NPAS3: variants seen among roughly 807,000 people sequenced by gnomAD.
The protein encoded by NPAS3 is neuronal PAS domain-containing protein 3.
NPAS3 carries 14 observed loss-of-function variants against 73.1 expected under a neutral mutation model. The observed-to-expected ratio is 0.19, with a 90% CI of 0.13 to 0.30. The LOEUF (loss-of-function observed/expected upper bound fraction) is 0.30. Ranked by LOEUF, NPAS3 falls within the 10% of genes least tolerant of loss-of-function variation. The probability of loss-of-function intolerance (pLI) is 1.00; values close to 1 mark genes in which losing one functional copy is unlikely to be tolerated. For missense variants in NPAS3, 1,096 were observed against 1,250.0 expected, an observed-to-expected ratio of 0.88 and a Z score of 1.86; for synonymous variants, 620 against 541.5, an observed-to-expected ratio of 1.14 and a Z score of -2.01.
chr14:33,345,479 G>A (rs1224093619), intron 3 of NPAS3, among the ~76,000 whole-genome samples: 1 of 152,228 alleles, frequency 6.6e-6, no homozygotes, highest in East Asian at 1.9e-4. Context: ...AGTGAAAATT[G>A]TAGTCGACAG....
chr14:33,494,623 A>C (rs2052075849), intron 4 of NPAS3, among the ~76,000 whole-genome samples: 1 of 152,108 alleles, frequency 6.6e-6, no homozygotes, highest in Non-Finnish European at 1.5e-5. Context: ...AGAGATGTAA[A>C]GTTTCAAAGG....
intron 2 of NPAS3, among the ~76,000 whole-genome samples, chr14:33,091,300 A>C (rs2042216478): frequency 6.6e-6 from 1 of 152,200 alleles, no homozygotes; most frequent in Admixed American, 6.5e-5. Flanking sequence ...AAAAATGATA[A>C]AGGGGATATC....
At chr14:33,330,678 T>C (rs1566803137) in intron 3 of NPAS3, among the ~76,000 whole-genome samples, 1 of 152,328 alleles carries the variant, frequency 6.6e-6, no homozygotes, top group East Asian at 1.9e-4. Flanking sequence ...TTATTGGACG[T>C]CTATTCCAGA....
At chr14:33,019,213 G>A (rs1314448017) in intron 1 of NPAS3, among the ~76,000 whole-genome samples, 1 of 152,206 alleles carries the variant, frequency 6.6e-6, no homozygotes, top group Non-Finnish European at 1.5e-5. Flanking sequence ...CACAATGAAA[G>A]TTCTTGTTTG....
chr14:33,401,820 C>T (rs2047457165), intron 4 of NPAS3, among the ~76,000 whole-genome samples: 1 of 152,044 alleles, frequency 6.6e-6, no homozygotes, highest in Non-Finnish European at 1.5e-5. Flanking sequence ...AACACCCATC[C>T]AAAGGCCTCC....
intron 2 of NPAS3, among the ~76,000 whole-genome samples, chr14:33,199,007 GC>G (rs1376075267): frequency 2.0e-5 from 3 of 152,172 alleles, no homozygotes; most frequent in Non-Finnish European, 4.4e-5. Context: ...TCCGTGGCCG[GC>G]GGTGCCGGCC....
chr14:33,650,277 G>A (rs1230942252), intron 5 of NPAS3, among the ~76,000 whole-genome samples: 1 of 152,220 alleles, frequency 6.6e-6, no homozygotes, highest in Non-Finnish European at 1.5e-5. Flanking sequence ...AAACAAGGCA[G>A]ATTGACATAG....
At chr14:32,999,277 C>T (rs1485465967) in intron 1 of NPAS3, among the ~76,000 whole-genome samples, 2 of 152,074 alleles carry the variant, frequency 1.3e-5, no homozygotes, top group Admixed American at 6.5e-5. Context: ...TTTGGGAGGC[C>T]AAGGTGGGCA....
intron 2 of NPAS3, among the ~76,000 whole-genome samples, chr14:33,203,237 C>T (rs1220801983): frequency 6.6e-6 from 1 of 152,130 alleles, no homozygotes; most frequent in Non-Finnish European, 1.5e-5. Context: ...TTTTGGTTTG[C>T]AAGAAAAAAG....
chr14:33,550,011 C>A (rs1196579728), intron 4 of NPAS3, among the ~76,000 whole-genome samples: 4 of 152,080 alleles, frequency 2.6e-5, no homozygotes, highest in African/African-American at 7.2e-5. Flanking sequence ...TTTAGGAAGC[C>A]AGTGGAAAAT....
At chr14:33,774,304 G>A (rs1444296270) in intron 7 of NPAS3, 33 bp from the exon 8 acceptor site, 1 of 1,558,228 alleles carries the variant, frequency 6.4e-7, no homozygotes, top group Non-Finnish European at 8.8e-7. Flanking sequence ...ATGTAAATTT[G>A]ACTGGTGTCC....
chr14:33,245,822 T>G (rs1263122035), intron 3 of NPAS3, among the ~76,000 whole-genome samples: 1 of 152,138 alleles, frequency 6.6e-6, no homozygotes, highest in Non-Finnish European at 1.5e-5. Flanking sequence ...TATCTCATAC[T>G]ATGGTGAATT....
chr14:33,142,153 TCTG>T (rs1035114734), intron 2 of NPAS3, among the ~76,000 whole-genome samples: 9 of 150,954 alleles, frequency 6.0e-5, no homozygotes, highest in African/African-American at 1.5e-4. Flanking sequence ...CAATTTTACT[TCTG>T]CTCCTAATTT....
intron 1 of NPAS3, among the ~76,000 whole-genome samples, chr14:33,046,808 T>G (rs2040524993): frequency 6.6e-6 from 1 of 152,088 alleles, no homozygotes. Flanking sequence ...AAACCCCGTC[T>G]CTACTAAAAA....
chr14:33,762,185 T>G (rs1030900930), intron 7 of NPAS3, among the ~76,000 whole-genome samples: 1 of 152,230 alleles, frequency 6.6e-6, no homozygotes, highest in African/African-American at 2.4e-5. Context: ...GACAACTGTA[T>G]TGTATGCTAA....
rs141953675 is a variant in NPAS3, at chr14:33,158,588, C to T, written c.141-56594C>T. On this transcript the variant is annotated intron_variant, in intron 2 of 11. Coordinates refer to ENST00000356141, the Ensembl canonical transcript of NPAS3. ...GGTGTAGGCACAATAATTGGGAGTT[C>T]TAAGGTACTGCAGAGAGAGGGTGTT... is the stretch of plus-strand genomic sequence containing the variant. Among the ~76,000 whole-genome samples, 161 of 152,104 alleles carry T rather than the reference C, an allele frequency of 1.1e-3. 1 individual carries two copies. The highest frequency in any genetic ancestry group is 3.8e-3 in the African/African-American group (156 of 41,470).
chr14:33,733,120 A>G (rs911199799), intron 6 of NPAS3, among the ~76,000 whole-genome samples: 2 of 152,144 alleles, frequency 1.3e-5, no homozygotes, highest in Non-Finnish European at 2.9e-5. Context: ...ATCTTGCTGA[A>G]CAGAGCTGAA....
rs144102242 is a variant in NPAS3, at chr14:33,129,390, C to T, written c.140+73396C>T. ...CTCTAACACATGTGAATATTGATAG[C>T]ATATCCAAAAACTGCGGTGGTTTTC... On this transcript the variant is annotated intron_variant, in intron 2 of 11. Coordinates refer to ENST00000356141, the Ensembl canonical transcript of NPAS3. 1.2e-4 allele frequency among the ~76,000 whole-genome samples: 19 copies of T among 152,228 alleles called. No individual in the cohort carries two copies. In the East Asian group the frequency reaches 2.5e-3, roughly 20 times the overall value.
chr14:33,763,843 TG>T (rs1484732351), intron 7 of NPAS3, among the ~76,000 whole-genome samples: 4 of 132,858 alleles, frequency 3.0e-5, no homozygotes, highest in African/African-American at 1.6e-4. Context: ...TGGGGAGTAT[TG>T]GTTTTTTTTT....
Sources: gnomAD v4.1 joint callset for allele counts (sites outside exome capture counted in the v4.1 genomes callset) on GRCh38, gnomAD v4.1.1 for gene constraint, MANE v1.5 for transcripts, NCBI Gene and HGNC (gene_info 2026-07-23, HGNC 2026-07-21) for gene names.